The following RUNDC3B variants were observed in gnomAD, a reference collection of about 807,000 sequenced individuals.
RUNDC3B encodes the protein RUN domain containing 3B, also known as RUN domain-containing protein 3B.
RUNDC3B carries 33 observed loss-of-function variants against 58.4 expected under a neutral mutation model. That is an observed-to-expected ratio of 0.56 (90% CI 0.43 to 0.75). The LOEUF (loss-of-function observed/expected upper bound fraction) is 0.75, where lower values mean the gene tolerates loss of function less well. Among genes scored for constraint, RUNDC3B ranks in the 30% least tolerant of loss-of-function variants. The probability of loss-of-function intolerance (pLI) is 0.00; values close to 1 mark genes in which losing one functional copy is unlikely to be tolerated. For missense variants in RUNDC3B, 501 were observed against 535.7 expected (o/e 0.94, Z 0.64); for synonymous variants, 193 against 195.2 (o/e 0.99, Z 0.10).
At chr7:87,776,285 A>G (rs554734097) in intron 7 of RUNDC3B, among the ~76,000 whole-genome samples, 10 of 152,268 alleles carry the variant, frequency 6.6e-5, no homozygotes, top group African/African-American at 2.4e-4. Flanking sequence ...TATATTAAGA[A>G]AAACCTAAAG....
At chr7:87,750,318 G>C (rs542514110) in intron 6 of RUNDC3B, among the ~76,000 whole-genome samples, 48 of 151,764 alleles carry the variant, frequency 3.2e-4, no homozygotes, top group South Asian at 1.0e-3. Context: ...TTGCTATTGT[G>C]AATAATGCCG....
At chr7:87,655,495 C>T (rs1824005083) in intron 2 of RUNDC3B, among the ~76,000 whole-genome samples, 1 of 152,062 alleles carries the variant, frequency 6.6e-6, no homozygotes, top group African/African-American at 2.4e-5. Context: ...GCATGACTTC[C>T]TTATACATGG....
At chr7:87,720,761 C>G (rs1323604555) in intron 4 of RUNDC3B, among the ~76,000 whole-genome samples, 1 of 151,234 alleles carries the variant, frequency 6.6e-6, no homozygotes, top group African/African-American at 2.4e-5. Flanking sequence ...CCACCACGCC[C>G]TGCTAATTTT....
At chr7:87,754,857 C>T (rs13437761) in intron 6 of RUNDC3B, among the ~76,000 whole-genome samples, 7,250 of 150,506 alleles carry the variant, frequency 0.048, 261 homozygotes, top group East Asian at 0.09. Context: ...ACACACTTTC[C>T]CAAGACTGAA....
chr7:87,753,856 T>C (rs549987951), intron 6 of RUNDC3B, among the ~76,000 whole-genome samples: 2 of 152,302 alleles, frequency 1.3e-5, no homozygotes, highest in South Asian at 2.1e-4. Flanking sequence ...GTGATCCTTC[T>C]GAAATGTAAG....
intron 6 of RUNDC3B, among the ~76,000 whole-genome samples, chr7:87,762,017 T>A: frequency 6.6e-6 from 1 of 151,822 alleles, no homozygotes; most frequent in East Asian, 1.9e-4. Context: ...ATATTTTTGA[T>A]GTTTCACCAT....
chr7:87,820,951 C>A (rs1189390639), intron 10 of RUNDC3B, among the ~76,000 whole-genome samples: 1 of 151,416 alleles, frequency 6.6e-6, no homozygotes, highest in Admixed American at 6.6e-5. Flanking sequence ...TGGGCAAAAA[C>A]TGGAAGCATT....
intron 8 of RUNDC3B, among the ~76,000 whole-genome samples, chr7:87,789,910 C>G (rs781647604): frequency 6.6e-6 from 1 of 152,180 alleles, no homozygotes; most frequent in Non-Finnish European, 1.5e-5. Flanking sequence ...CCACCCTTGG[C>G]CCCTAGACAG....
intron 2 of RUNDC3B, among the ~76,000 whole-genome samples, chr7:87,688,367 T>C (rs371322146): frequency 2.0e-5 from 3 of 151,962 alleles, no homozygotes; most frequent in South Asian, 2.1e-4. Flanking sequence ...ACACATTTTA[T>C]ATAATGTAAT....
At chr7:87,654,835 T>A (rs1051115512) in intron 2 of RUNDC3B, among the ~76,000 whole-genome samples, 1 of 152,014 alleles carries the variant, frequency 6.6e-6, no homozygotes, top group African/African-American at 2.4e-5. Flanking sequence ...CCAAAATATA[T>A]GAGGAACTCA....
intron 6 of RUNDC3B, 30 bp from the exon 7 acceptor site, chr7:87,770,551 A>T: frequency 1.3e-6 from 2 of 1,566,604 alleles, no homozygotes; most frequent in Non-Finnish European, 1.7e-6. Context: ...ACATATTTTT[A>T]ACTTTTTTTT....
At chr7:87,754,648 G>A (rs1833249872) in intron 6 of RUNDC3B, among the ~76,000 whole-genome samples, 1 of 152,036 alleles carries the variant, frequency 6.6e-6, no homozygotes, top group African/African-American at 2.4e-5. Flanking sequence ...ACGAATCCAG[G>A]AGTTGGTTTT....
intron 2 of RUNDC3B, among the ~76,000 whole-genome samples, chr7:87,695,384 A>G (rs1461905988): frequency 1.3e-5 from 2 of 152,128 alleles, no homozygotes; most frequent in East Asian, 1.9e-4. Context: ...TTTATAAATT[A>G]GCAGTAAGAA....
intron 2 of RUNDC3B, among the ~76,000 whole-genome samples, chr7:87,662,825 A>T (rs760648631): frequency 1.4e-4 from 22 of 152,032 alleles, no homozygotes; most frequent in Non-Finnish European, 2.1e-4. Flanking sequence ...TGCATTGAAT[A>T]TGTATACTGC....
intron 7 of RUNDC3B, among the ~76,000 whole-genome samples, chr7:87,775,002 A>T (rs2130878009): frequency 6.6e-6 from 1 of 152,386 alleles, no homozygotes; most frequent in Middle Eastern, 3.4e-3. Flanking sequence ...ATACTATGTT[A>T]CTGGTTTACG....
chr7:87,733,865 G>A (rs1297074558), intron 4 of RUNDC3B, among the ~76,000 whole-genome samples: 1 of 152,172 alleles, frequency 6.6e-6, no homozygotes, highest in African/African-American at 2.4e-5. Flanking sequence ...GCCACGGACA[G>A]GTTCTGGTTC....
At chr7:87,822,249 AAAG>A (rs1332869989) in intron 10 of RUNDC3B, among the ~76,000 whole-genome samples, 1 of 152,240 alleles carries the variant, frequency 6.6e-6, no homozygotes, top group Non-Finnish European at 1.5e-5. Flanking sequence ...ACACTTCTCA[AAAG>A]AAGACATTTA....
At chr7:87,787,167 A>G (rs1690184073) in intron 8 of RUNDC3B, among the ~76,000 whole-genome samples, 1 of 152,212 alleles carries the variant, frequency 6.6e-6, no homozygotes, top group South Asian at 2.1e-4. Flanking sequence ...CTACTTTATC[A>G]GAATCAGCTT....
rs544330408 is a variant in RUNDC3B at position 87,722,669 on chromosome 7, C to T, written c.458+12014C>T. Among the ~76,000 whole-genome samples, 3 of 152,278 alleles carry T rather than the reference C, an allele frequency of 2.0e-5. No individual in the cohort carries two copies. In the South Asian group the frequency reaches 6.2e-4, roughly 32 times the overall value. ...AAGAGTACCAAGTGGGGCCTCCATTCTCAAGGCTAAGCAGTAATGAACCTT... is the reference window on the plus strand; with the variant it reads ...AAGAGTACCAAGTGGGGCCTCCATTTTCAAGGCTAAGCAGTAATGAACCTT... On this transcript the variant is annotated intron_variant, in intron 4 of 10. Transcript: ENST00000394654.
Sources: allele counts gnomAD v4.1 joint callset (sites outside exome capture counted in the v4.1 genomes callset), GRCh38; gene constraint gnomAD v4.1.1; transcripts MANE v1.5; gene names NCBI Gene and HGNC (gene_info 2026-07-23, HGNC 2026-07-21).